Variants in ARAP2 observed in about 807,000 individuals in gnomAD.
The protein encoded by ARAP2 is ArfGAP with RhoGAP domain, ankyrin repeat and PH domain 2.
ARAP2 carries 148 observed loss-of-function variants against 194.5 expected under a neutral mutation model. The ratio of observed to expected loss-of-function variants is 0.76; its 90% confidence interval spans 0.67 to 0.87. The LOEUF is 0.87. ARAP2 is among the 40% of genes least tolerant of loss of function. ARAP2 has a pLI of 0.00. For missense variants in ARAP2, 2,128 were observed against 1,989.7 expected (o/e 1.07, Z -1.32); for synonymous variants, 695 against 683.5 (o/e 1.02, Z -0.26).
chr4:36,022,926 G>C (rs983012748), intron 5 of ARAP2, among the ~76,000 whole-genome samples: 6 of 152,092 alleles, frequency 3.9e-5, no homozygotes, highest in African/African-American at 1.4e-4. Flanking sequence ...ATAATATATG[G>C]AGAAGAAAAT....
chr4:36,185,577 A>G (rs1347039133), intron 8 of ARAP2, among the ~76,000 whole-genome samples: 1 of 152,098 alleles, frequency 6.6e-6, no homozygotes, highest in Non-Finnish European at 1.5e-5. Flanking sequence ...ATGCACTGAC[A>G]TATGTGCCAG....
chr4:36,162,001 G>A (rs1461761563), intron 11 of ARAP2, among the ~76,000 whole-genome samples: 3 of 151,624 alleles, frequency 2.0e-5, no homozygotes, highest in South Asian at 2.1e-4. Context: ...CCAGCTACTC[G>A]GGAGGCTGAG....
At chr4:36,097,535 T>C (rs933036657) in intron 27 of ARAP2, among the ~76,000 whole-genome samples, 1 of 152,122 alleles carries the variant, frequency 6.6e-6, no homozygotes, top group Non-Finnish European at 1.5e-5. Context: ...AGGTACTGGT[T>C]GGACTCTCAA....
intron 8 of ARAP2, among the ~76,000 whole-genome samples, chr4:36,182,743 A>G (rs1284035404): frequency 6.6e-6 from 1 of 152,198 alleles, no homozygotes; most frequent in Non-Finnish European, 1.5e-5. Flanking sequence ...AAGTGAGAAG[A>G]AAAAGATTCA....
In ARAP2 at chr4:36,010,663, T is replaced by C. The variant is rs1373449397; in HGVS notation, n.1325+1900A>G. On this transcript the variant is annotated intron_variant and non_coding_transcript_variant, in intron 9 of 12. Coordinates refer to the ARAP2 transcript ENST00000503225. ...GACCTAAGTCTTTTTTCAAACCAAA[T>C]GACCTAATGAATCCTCTTGCCTTTC... 1.1e-4 allele frequency among the ~76,000 whole-genome samples: 16 copies of C among 152,110 alleles called. 1 individual carries two copies. Among genetic ancestry groups the C allele is most frequent in the Admixed American group, 3.3e-4 (5 of 15,244 alleles).
downstream of ARAP2, chr4:36,065,917 T>C (rs1725338655): frequency 6.6e-6 from 1 of 152,222 alleles, no homozygotes; most frequent in Non-Finnish European, 1.5e-5. Context: ...AATTCAAATT[T>C]TTTTAAAAAG....
At chr4:36,163,301 T>C (rs1469134446) in intron 11 of ARAP2, among the ~76,000 whole-genome samples, 1 of 152,016 alleles carries the variant, frequency 6.6e-6, no homozygotes, top group African/African-American at 2.4e-5. Flanking sequence ...GAGACTGGTA[T>C]CTTGGAAGCT....
At chr4:36,234,194 T>C (rs2109356297) in intron 1 of ARAP2, among the ~76,000 whole-genome samples, 1 of 152,262 alleles carries the variant, frequency 6.6e-6, no homozygotes, top group South Asian at 2.1e-4. Flanking sequence ...GTACCTTAGA[T>C]TGGGTAATTA....
rs75431171 is a variant in ARAP2 at position 36,108,559 on chromosome 4, G to C, written c.4157-866C>G. On this transcript the variant is annotated intron_variant, in intron 26 of 32. Transcript: ENST00000303965. ...TATAGACTAACTATTGACATAATAG[G>C]CCAACTAGCAAGAAATTACATGACA... 8.4e-3 allele frequency among the ~76,000 whole-genome samples: 1,270 copies of C among 151,940 alleles called. 18 individuals are homozygous for C. Among genetic ancestry groups the C allele is most frequent in the African/African-American group, 0.029 (1,201 of 41,496 alleles).
intron 15 of ARAP2, among the ~76,000 whole-genome samples, chr4:36,155,074 A>G (rs1191297800): frequency 6.6e-6 from 1 of 152,228 alleles, no homozygotes; most frequent in Admixed American, 6.5e-5. Context: ...GATCAAAACA[A>G]AAATATTGAT....
At position 36,067,641 on chromosome 4, in the gene ARAP2, C is replaced by T; in HGVS notation, c.*266G>A. 3.3e-6 allele frequency: 1 copy of T among 300,362 alleles called. No homozygotes were observed. Among genetic ancestry groups the T allele is most frequent in the African/African-American group, 2.2e-5 (1 of 46,332 alleles). 18.6% of individuals were successfully genotyped at this position (300,362 alleles called of 1,614,324 possible). A position where few individuals can be genotyped will look rare whatever the true frequency, so the allele number is the denominator to read the frequency against. ...TTAACAGACAACTACTTTAAAAGGACTGACCACCTAAGTAACCCAATGTCT... is the reference window on the plus strand; with the variant it reads ...TTAACAGACAACTACTTTAAAAGGATTGACCACCTAAGTAACCCAATGTCT... On this transcript the variant is annotated 3_prime_UTR_variant, in exon 33 of 33. Transcript: ENST00000303965.
chr4:36,216,458 C>T (rs1747959202), intron 2 of ARAP2, among the ~76,000 whole-genome samples: 1 of 152,048 alleles, frequency 6.6e-6, no homozygotes, highest in African/African-American at 2.4e-5. Context: ...TAAATAAATA[C>T]TGCTGGCAGG....
At chr4:36,231,231 G>A (rs1255520370) in intron 1 of ARAP2, among the ~76,000 whole-genome samples, 1 of 152,164 alleles carries the variant, frequency 6.6e-6, no homozygotes, top group East Asian at 1.9e-4. Context: ...AGCTACTCGG[G>A]AGGCTGAGGC....
chr4:36,040,175 G>T (rs1211849830), intron 5 of ARAP2, among the ~76,000 whole-genome samples: 2 of 152,098 alleles, frequency 1.3e-5, no homozygotes, highest in Non-Finnish European at 2.9e-5. Context: ...ATAGATTTTT[G>T]TTCTGTCTAT....
chr4:36,042,847 T>TTC lies in ARAP2; in HGVS notation n.607+3131_607+3132insGA, dbSNP rs1172980568. 6.0e-3 allele frequency among the ~76,000 whole-genome samples: 701 copies of TTC among 116,502 alleles called. 1 individual carries two copies. Among genetic ancestry groups the TTC allele is most frequent in the African/African-American group, 9.0e-3 (308 of 34,078 alleles). The allele number at this position is 116,502 out of a possible 152,430, so 76.4% of individuals were successfully genotyped here. ...AATAAACAAATGCGTTTTTTTCTTC[T>TTC]TTTTTTTTTTTTTCAAACAGGGTTT... On this transcript the variant is annotated intron_variant and non_coding_transcript_variant, in intron 5 of 12. Transcript: ENST00000503225.
rs764413758 is a variant in ARAP2, at chr4:36,091,958, T to C, written c.4348A>G (p.Ile1450Val). The C allele has an allele frequency of 1.9e-6, 3 of 1,608,568 alleles. No homozygotes were observed. Among genetic ancestry groups the C allele is most frequent in the Non-Finnish European group, 2.6e-6 (3 of 1,175,984 alleles). The change falls in exon 28 of 33, where the codon ATA becomes GTA. Residue 1450 changes from isoleucine to valine, a missense_variant. By Grantham distance (29) the Ile-to-Val change is conservative (BLOSUM62 3). Transcript: ENST00000303965. ...TCTTGAAACTTATTTCCAGATAGTA[T>C]TTTGGATGGTTCTTCTTTGATTTTC... ...ILKIKEEPSKILSGNKFQDRY... is the reference protein window; with the variant it reads ...ILKIKEEPSKVLSGNKFQDRY...
chr4:36,236,682 G>A (rs1365181060), intron 1 of ARAP2, among the ~76,000 whole-genome samples: 1 of 152,124 alleles, frequency 6.6e-6, no homozygotes, highest in Non-Finnish European at 1.5e-5. Context: ...ATAACAATAA[G>A]AGCTGGCCAT....
chr4:36,133,369 T>G lies in ARAP2; in HGVS notation c.3284A>C (p.His1095Pro), dbSNP rs1481468569. ...EKGRTLYIHG[H>P]TKLDFTVWHT... is the part of the protein sequence containing the mutation. ...CCAGACTGTGAAATCCAACTTGGTA[T>G]GCCCATGGATGTATAATGTTCTGTA... Residue 1095 changes from histidine (H) to proline (P), a missense_variant, in exon 20 of 33, where the codon CAT becomes CCT. Physicochemically the swap from His to Pro is moderately conservative, Grantham distance 77 (BLOSUM62 -2). Coordinates refer to ENST00000303965, the MANE Select transcript of ARAP2 (RefSeq NM_015230.4). 1.9e-6 allele frequency: 3 copies of G among 1,610,712 alleles called. No homozygotes were observed. Among genetic ancestry groups the G allele is most frequent in the Non-Finnish European group, 1.7e-6 (2 of 1,177,920 alleles).
chr4:36,143,658 C>A (rs1728902006), intron 19 of ARAP2, among the ~76,000 whole-genome samples: 2 of 151,636 alleles, frequency 1.3e-5, no homozygotes, highest in African/African-American at 4.8e-5. Flanking sequence ...GCAAGTAAAC[C>A]AAAGACAGAA....
Sources: allele counts gnomAD v4.1 joint callset (sites outside exome capture counted in the v4.1 genomes callset), GRCh38; gene constraint gnomAD v4.1.1; transcripts MANE v1.5; gene names NCBI Gene and HGNC (gene_info 2026-07-23, HGNC 2026-07-21).